MTUS1: variants seen among roughly 807,000 people sequenced by gnomAD.
MTUS1 encodes microtubule-associated tumor suppressor 1.
MTUS1 carries 109 observed loss-of-function variants against 120.8 expected under a neutral mutation model. The ratio of observed to expected loss-of-function variants is 0.90; its 90% CI spans 0.77 to 1.06. The LOEUF (loss-of-function observed/expected upper bound fraction) is 1.06, where lower values mean the gene tolerates loss of function less well. MTUS1 is among the 50% of genes least tolerant of loss of function. The pLI is 0.00. For missense variants in MTUS1, 2,210 were observed against 1,486.3 expected (o/e 1.49, Z -8.01); for synonymous variants, 737 against 550.5 (o/e 1.34, Z -4.74).
At chr8:17,646,443 T>C (rs7008667) in intron 14 of MTUS1, among the ~76,000 whole-genome samples, 151,348 of 152,148 alleles carry the variant, frequency 0.99, 75,286 homozygotes, top group East Asian at 1. Flanking sequence ...CAAAAATTAG[T>C]CACGCATGGT....
chr8:17,708,197 G>C (rs1389601833), intron 6 of MTUS1, among the ~76,000 whole-genome samples: 3 of 152,182 alleles, frequency 2.0e-5, no homozygotes, highest in African/African-American at 7.2e-5. Flanking sequence ...GAAAATATTT[G>C]CAAATGATAA....
intron 1 of MTUS1, among the ~76,000 whole-genome samples, chr8:17,762,956 C>G (rs2049158881): frequency 6.6e-6 from 1 of 151,650 alleles, no homozygotes; most frequent in Non-Finnish European, 1.5e-5. Flanking sequence ...TCAAAAACAA[C>G]AGTGGCTGTC....
chr8:17,701,122 G>C (rs1186471260), intron 6 of MTUS1, among the ~76,000 whole-genome samples: 2 of 152,154 alleles, frequency 1.3e-5, no homozygotes, highest in Non-Finnish European at 2.9e-5. Context: ...GACTTGTGTG[G>C]AGATTCAAGC....
At chr8:17,674,642 G>C in intron 8 of MTUS1, 2 of 986,906 alleles carry the variant, frequency 2.0e-6, no homozygotes, top group South Asian at 4.7e-5. Context: ...GGTAGGTGTT[G>C]AGACGTGGGG....
chr8:17,649,063 C>G (rs1340394745), intron 13 of MTUS1, among the ~76,000 whole-genome samples: 1 of 151,580 alleles, frequency 6.6e-6, no homozygotes, highest in Non-Finnish European at 1.5e-5. Flanking sequence ...ACACCTGCTA[C>G]TTGTCCAAAT....
chr8:17,792,634 T>C (rs1166165426), intron 1 of MTUS1, among the ~76,000 whole-genome samples: 1 of 152,202 alleles, frequency 6.6e-6, no homozygotes, highest in Non-Finnish European at 1.5e-5. Context: ...AAGGACAAGG[T>C]GGACAGATCG....
intron 6 of MTUS1, among the ~76,000 whole-genome samples, chr8:17,702,055 G>A (rs1199854966): frequency 6.6e-6 from 1 of 151,892 alleles, no homozygotes; most frequent in Non-Finnish European, 1.5e-5. Flanking sequence ...AAGGTATATA[G>A]GTTGTTTCCA....
At chr8:17,794,349 A>G (rs1422504106) in intron 1 of MTUS1, among the ~76,000 whole-genome samples, 1 of 152,170 alleles carries the variant, frequency 6.6e-6, no homozygotes, top group Non-Finnish European at 1.5e-5. Flanking sequence ...ATAAAAGAAA[A>G]AAAAATCAAA....
chr8:17,756,917 T>G (rs1407280155), intron 1 of MTUS1, among the ~76,000 whole-genome samples: 1 of 152,136 alleles, frequency 6.6e-6, no homozygotes, highest in Non-Finnish European at 1.5e-5. Context: ...TCTTCAACTT[T>G]CCAGCCTCCA....
At chr8:17,746,585 C>G (rs988293011) in intron 2 of MTUS1, among the ~76,000 whole-genome samples, 2 of 152,112 alleles carry the variant, frequency 1.3e-5, no homozygotes, top group Non-Finnish European at 2.9e-5. Flanking sequence ...CTCACTACCA[C>G]AAGAACAGTA....
chr8:17,670,337 C>A (rs564832715), intron 8 of MTUS1, among the ~76,000 whole-genome samples: 3 of 152,070 alleles, frequency 2.0e-5, no homozygotes, highest in Non-Finnish European at 4.4e-5. Context: ...TAGGTAGTAG[C>A]GGAAACCATG....
chr8:17,788,413 C>CT (rs2051490913), intron 1 of MTUS1, among the ~76,000 whole-genome samples: 1 of 152,148 alleles, frequency 6.6e-6, no homozygotes, highest in Non-Finnish European at 1.5e-5. Context: ...AACAGAAACC[C>CT]TTAAATGTTG....
intron 1 of MTUS1, among the ~76,000 whole-genome samples, chr8:17,796,461 T>C (rs999695105): frequency 6.6e-6 from 1 of 152,344 alleles, no homozygotes; most frequent in East Asian, 1.9e-4. Flanking sequence ...AAGTTCGACC[T>C]TGTTCACACT....
chr8:17,785,175 A>C (rs2051202418), intron 1 of MTUS1, among the ~76,000 whole-genome samples: 1 of 152,134 alleles, frequency 6.6e-6, no homozygotes, highest in Non-Finnish European at 1.5e-5. Context: ...ACAATGCTGA[A>C]CAAGATGGTC....
chr8:17,694,045 T>C (rs955712808), intron 6 of MTUS1, among the ~76,000 whole-genome samples: 2 of 152,246 alleles, frequency 1.3e-5, no homozygotes, highest in African/African-American at 4.8e-5. Context: ...TTTGACTTAT[T>C]ATACAAAAGT....
chr8:17,662,117 C>T (rs1428826971), intron 8 of MTUS1, among the ~76,000 whole-genome samples: 1 of 152,084 alleles, frequency 6.6e-6, no homozygotes, highest in African/African-American at 2.4e-5. Context: ...GCACTGACTA[C>T]AGCTTAGGAG....
intron 8 of MTUS1, among the ~76,000 whole-genome samples, chr8:17,662,507 C>A (rs1326874365): frequency 6.6e-6 from 1 of 151,826 alleles, no homozygotes; most frequent in Non-Finnish European, 1.5e-5. Flanking sequence ...AGGTGCACAC[C>A]ACCACACTTG....
In MTUS1 at chr8:17,754,591, C is replaced by T. The variant is rs769503602; in HGVS notation, c.1217G>A (p.Gly406Asp). ...ATCCCAAGTCAGTCCAAATGACGAG[C>T]CCACCTTTTGTCCTGGCGGGCTACT... ...ILSSPPGQKV[G>D]SSFGLTWDAN... The change falls in exon 2 of 15, where the codon GGC becomes GAC. Residue 406 changes from glycine (G) to aspartate (D), a missense_variant. Coordinates refer to ENST00000693296, the MANE Select transcript of MTUS1 (RefSeq NM_001363059.2). 3 of 1,614,040 alleles carry T rather than the reference C, an allele frequency of 1.9e-6. No individual in the cohort carries two copies. The highest frequency in any genetic ancestry group is 1.7e-5 in the Admixed American group (1 of 60,000).
intron 1 of MTUS1, among the ~76,000 whole-genome samples, chr8:17,785,037 G>C (rs62498382): frequency 0.03 from 4,537 of 152,032 alleles, 104 homozygotes; most frequent in Non-Finnish European, 0.044. Flanking sequence ...CACCTGCCTC[G>C]GCCTCCCAAA....
Sources: allele counts gnomAD v4.1 joint callset (sites outside exome capture counted in the v4.1 genomes callset), GRCh38; gene constraint gnomAD v4.1.1; transcripts MANE v1.5; gene names NCBI Gene and HGNC (gene_info 2026-07-23, HGNC 2026-07-21).